Variants in DCX observed in about 807,000 individuals in gnomAD.
DCX encodes doublecortin.
In DCX, 4 loss-of-function variants were observed where a neutral mutation model predicts 20.9. The ratio of observed to expected loss-of-function variants is 0.19; its 90% CI spans 0.09 to 0.44. The LOEUF (loss-of-function observed/expected upper bound fraction) is 0.44. Ranked by LOEUF, DCX falls within the 20% of genes least tolerant of loss-of-function variation. The pLI, the probability that DCX is intolerant of heterozygous loss-of-function variation, is 0.99. For missense variants in DCX, 133 were observed against 296.9 expected, an observed-to-expected ratio of 0.45 and a Z score of 4.06; for synonymous variants, 103 against 111.4, an observed-to-expected ratio of 0.92 and a Z score of 0.47.
intron 3 of DCX, among the ~76,000 whole-genome samples, chrX:111,351,462 C>T (rs771747228): frequency 8.9e-6 from 1 of 112,458 alleles, no homozygotes; most frequent in Non-Finnish European, 1.9e-5. Context: ...AGTATTTACA[C>T]ATGTGTTCCA....
chrX:111,411,359 G>C (rs1928703276), intron 1 of DCX, among the ~76,000 whole-genome samples: 1 of 107,716 alleles, frequency 9.3e-6, no homozygotes, highest in African/African-American at 3.4e-5. Flanking sequence ...TTAGAAGGAA[G>C]CACACCTTTC....
chrX:111,411,903 T>C (rs1465393281), intron 1 of DCX: 1 of 111,940 alleles, frequency 8.9e-6, no homozygotes, highest in Admixed American at 9.5e-5. Flanking sequence ...TTTGCTTTGC[T>C]TTAGGATCAG....
chrX:111,329,012 T>C (rs750957673), intron 5 of DCX, among the ~76,000 whole-genome samples: 6 of 111,999 alleles, frequency 5.4e-5, no homozygotes, highest in Non-Finnish European at 9.4e-5. Context: ...ATACAAGTAA[T>C]ACAGGTTAGA....
intron 3 of DCX, among the ~76,000 whole-genome samples, chrX:111,385,712 A>AG (rs1926371179): frequency 1.9e-5 from 1 of 53,491 alleles, no homozygotes; most frequent in African/African-American, 4.5e-5. Context: ...CAAGAAAGCA[A>AG]GAAAGCAAGG....
intron 5 of DCX, among the ~76,000 whole-genome samples, chrX:111,328,684 A>G (rs901861650): frequency 2.7e-5 from 3 of 111,768 alleles, no homozygotes; most frequent in African/African-American, 9.8e-5. Context: ...ATAAAGGAGA[A>G]GTGACAGTGT....
At chrX:111,383,330 C>T (rs1926126447) in intron 3 of DCX, among the ~76,000 whole-genome samples, 1 of 111,777 alleles carries the variant, frequency 8.9e-6, no homozygotes. Context: ...ATTTTCAGGA[C>T]ATATTCATTT....
In DCX at chrX:111,297,721, A is replaced by G. The variant is rs2095024647; in HGVS notation, c.*3966T>C. 2 of 111,709 alleles carry G rather than the reference A, an allele frequency of 1.8e-5. No homozygotes were observed. Among genetic ancestry groups the G allele is most frequent in the Non-Finnish European group, 1.9e-5 (1 of 53,189 alleles). 9.2% of individuals were successfully genotyped at this position (111,709 alleles called of 1,213,427 possible). On this transcript the variant is annotated 3_prime_UTR_variant, in exon 7 of 7. Coordinates refer to ENST00000636035, the MANE Select transcript of DCX (RefSeq NM_001195553.2). The stretch of plus-strand genomic sequence containing the variant: ...CCCAGGAAGAGCCTTGCAGCAAGGA[A>G]AACCATGTGTTTGGACCCTTTTGCC...
At chrX:111,322,669 T>A (rs1443822119) in intron 5 of DCX, among the ~76,000 whole-genome samples, 1 of 112,098 alleles carries the variant, frequency 8.9e-6, no homozygotes, top group Admixed American at 9.5e-5. Context: ...GGTGTCTGGA[T>A]TGCTTTGGCT....
chrX:111,327,546 C>G (rs2095102292), intron 5 of DCX, among the ~76,000 whole-genome samples: 1 of 112,202 alleles, frequency 8.9e-6, no homozygotes, highest in East Asian at 2.8e-4. Flanking sequence ...TTGTAAATAA[C>G]TGATAACAAT....
At chrX:111,404,506 G>A (rs1182897893) in intron 2 of DCX, among the ~76,000 whole-genome samples, 1 of 112,044 alleles carries the variant, frequency 8.9e-6, no homozygotes, top group Non-Finnish European at 1.9e-5. Flanking sequence ...TGACTTAGGA[G>A]TCACACAGAC....
chrX:111,381,882 C>G (rs1449610222), intron 3 of DCX, among the ~76,000 whole-genome samples: 1 of 111,881 alleles, frequency 8.9e-6, no homozygotes, highest in African/African-American at 3.2e-5. Flanking sequence ...ATTGATGATG[C>G]AAGAATATTA....
At position 111,401,687 on chromosome X, in the gene DCX, G is replaced by A. The variant is rs73547204; in HGVS notation, c.365-357C>T. 6.8e-3 allele frequency among the ~76,000 whole-genome samples: 759 copies of A among 111,998 alleles called. 12 individuals are homozygous for A. The highest frequency in any genetic ancestry group is 0.023 in the African/African-American group (714 of 30,819). On this transcript the variant is annotated intron_variant, in intron 2 of 6. Coordinates refer to ENST00000636035, the MANE Select transcript of DCX (RefSeq NM_001195553.2). ...TTTCTAGGATGTTTAGCTTTCAGGG[G>A]CATTACTGGAGAATTTTTAACATTT...
intron 5 of DCX, among the ~76,000 whole-genome samples, chrX:111,313,773 C>A (rs1050783698): frequency 9.2e-5 from 10 of 108,856 alleles, no homozygotes; most frequent in Non-Finnish European, 1.7e-4. Flanking sequence ...ACACTTCATA[C>A]TAAAGTATTT....
At chrX:111,407,938 T>C (rs1821753940) in intron 2 of DCX, among the ~76,000 whole-genome samples, 1 of 111,384 alleles carries the variant, frequency 9.0e-6, no homozygotes, top group African/African-American at 3.3e-5. Context: ...TAATACTTGG[T>C]CTGAATACAA....
chrX:111,371,460 A>G (rs1447205267), intron 3 of DCX, among the ~76,000 whole-genome samples: 3 of 111,779 alleles, frequency 2.7e-5, no homozygotes, highest in Non-Finnish European at 5.6e-5. Flanking sequence ...GGTCCAGCTC[A>G]AACAATGCTA....
At chrX:111,355,904 G>A (rs764425196) in intron 3 of DCX, among the ~76,000 whole-genome samples, 21 of 111,823 alleles carry the variant, frequency 1.9e-4, no homozygotes, top group Non-Finnish European at 3.8e-4. Context: ...AGATCTCCTA[G>A]TCATGGCCCC....
Position 111,295,493 on chromosome X carries a change from A to C in DCX, c.*6194T>G, listed in dbSNP as rs371611737. ...AACAGCTCAACAGTTAGCAAGCCCC[A>C]AACAAGATTATTATAGAGAGTTTAA... On this transcript the variant is annotated 3_prime_UTR_variant, in exon 7 of 7. Transcript: ENST00000636035. 11 of 112,451 alleles carry C rather than the reference A, an allele frequency of 9.8e-5. No homozygotes were observed. The highest frequency in any genetic ancestry group is 3.6e-4 in the African/African-American group (11 of 30,898). 9.3% of individuals were successfully genotyped at this position (112,451 alleles called of 1,213,427 possible). A position where few individuals can be genotyped will look rare whatever the true frequency, so the allele number is the denominator to read the frequency against.
At chrX:111,358,789 T>C (rs1308783615) in intron 3 of DCX, among the ~76,000 whole-genome samples, 1 of 111,815 alleles carries the variant, frequency 8.9e-6, no homozygotes, top group Non-Finnish European at 1.9e-5. Flanking sequence ...AAGTAATCGT[T>C]TTTCTATACT....
At chrX:111,331,149 T>C (rs1409270361) in intron 4 of DCX, 108 bp from the exon 5 acceptor site, 2 of 910,196 alleles carry the variant, frequency 2.2e-6, no homozygotes, top group Non-Finnish European at 3.2e-6. Context: ...CCTAAATGGG[T>C]CAGGACTACA....
Sources: allele counts gnomAD v4.1 joint callset (sites outside exome capture counted in the v4.1 genomes callset), GRCh38; gene constraint gnomAD v4.1.1; transcripts MANE v1.5; gene names NCBI Gene and HGNC (gene_info 2026-07-23, HGNC 2026-07-21).